Variants in CELA2B observed in about 807,000 individuals in gnomAD.
CELA2B encodes the protein chymotrypsin-like elastase family member 2B.
CELA2B carries 27 observed loss-of-function variants against 36.5 expected under a neutral mutation model. The ratio of observed to expected loss-of-function variants is 0.74; its 90% CI spans 0.55 to 1.02. The LOEUF is 1.02. Ranked by LOEUF, CELA2B falls within the 50% of genes least tolerant of loss-of-function variation. The probability of loss-of-function intolerance (pLI) is 0.00; values close to 1 mark genes in which losing one functional copy is unlikely to be tolerated. For missense variants in CELA2B, 340 were observed against 347.8 expected, an observed-to-expected ratio of 0.98 and a Z score of 0.18; for synonymous variants, 143 against 148.5, an observed-to-expected ratio of 0.96 and a Z score of 0.27.
chr1:15,486,198 T>C (rs2103314924), intron 6 of CELA2B, 152 bp downstream of exon 6: 1 of 1,047,986 alleles, frequency 9.5e-7, no homozygotes, highest in Non-Finnish European at 1.4e-6. Context: ...ACCTGACCTT[T>C]GGCCAGGCAT....
rs1423598426 is a variant in CELA2B, at chr1:15,487,352, G to GC, written c.709dup (p.Leu237ProfsTer33). ...CGGTGGGAGGTGCATGGCATCGGCA[G>GC]CCTCACGTCGGTCCTTGGTTGCAAC... On this transcript the variant is annotated frameshift_variant, in exon 7 of 8. Transcript: ENST00000375910. LOFTEE classifies it high-confidence loss of function. 2 of 1,614,126 alleles carry GC rather than the reference G, an allele frequency of 1.2e-6. No homozygotes were observed. Among genetic ancestry groups the GC allele is most frequent in the African/African-American group, 1.3e-5 (1 of 74,948 alleles).
rs754807126 is a variant in CELA2B at position 15,476,333 on chromosome 1, T to C, written c.41-124T>C. The stretch of plus-strand genomic sequence containing the variant: ...AAGAATTGGAGCAAACAGAAGGATT[T>C]TATGACCTCTTGGGATCCTTCTAGA... On this transcript the variant is annotated intron_variant, in intron 1 of 7. Coordinates refer to ENST00000375910, the MANE Select transcript of CELA2B (RefSeq NM_015849.3). The C allele has an allele frequency of 3.1e-5, 43 of 1,382,262 alleles. No individual in the cohort carries two copies. The East Asian group carries it at 8.3e-4, about 27-fold the overall frequency. 85.6% of individuals were successfully genotyped at this position (1,382,262 alleles called of 1,614,324 possible).
At chr1:15,476,381 T>A (rs1233789265) in intron 1 of CELA2B, 76 bp from the exon 2 acceptor site, 45 of 1,494,850 alleles carry the variant, frequency 3.0e-5, no homozygotes, top group Non-Finnish European at 4.2e-5. Context: ...TATTTGGGGG[T>A]TCAGAATGCA....
chr1:15,481,709 C>G (rs143647314), intron 3 of CELA2B: 1 of 470,136 alleles, frequency 2.1e-6, no homozygotes, highest in East Asian at 6.9e-5. Flanking sequence ...TGTCCGTGAC[C>G]TCTGCTCATC....
chr1:15,482,826 C>G (rs531085724), intron 4 of CELA2B, among the ~76,000 whole-genome samples: 11 of 152,236 alleles, frequency 7.2e-5, no homozygotes, highest in African/African-American at 2.6e-4. Flanking sequence ...CGCTCTGTCA[C>G]CCAGGCTGTA....
intron 6 of CELA2B, 118 bp downstream of exon 6, chr1:15,486,164 G>A (rs1234924234): frequency 2.5e-5 from 33 of 1,307,560 alleles, no homozygotes; most frequent in Non-Finnish European, 3.0e-5. Context: ...AGAAGCACCC[G>A]GAAATGGTAC....
At chr1:15,484,610 T>C (rs1708781780) in intron 5 of CELA2B, among the ~76,000 whole-genome samples, 1 of 152,114 alleles carries the variant, frequency 6.6e-6, no homozygotes, top group South Asian at 2.1e-4. Context: ...CTTATTAAGA[T>C]ACAAGCACAA....
intron 2 of CELA2B, among the ~76,000 whole-genome samples, 194 bp from the exon 3 acceptor site, chr1:15,480,904 T>TG (rs1034060492): frequency 6.6e-6 from 1 of 151,996 alleles, no homozygotes; most frequent in Non-Finnish European, 1.5e-5. Context: ...CCTGATTTTT[T>TG]TTTTTTTTAC....
In CELA2B at chr1:15,490,219, CATATCTATCTAT is replaced by C; in HGVS notation, c.793-1075_793-1064del. On this transcript the variant is annotated intron_variant, in intron 7 of 7. Transcript: ENST00000375910. The stretch of plus-strand genomic sequence containing the variant: ...TGTGTGGTCTTCTCAACTTTATGTG[CATATCTATCTAT>C]CTATCTATCTATCTATCTATCTATC... Among the ~76,000 whole-genome samples the C allele has an allele frequency of 6.8e-5, 8 of 117,628 alleles. 2 individuals carry two copies. In the South Asian group the frequency reaches 2.3e-3, roughly 34 times the overall value. The allele number at this position is 117,628 out of a possible 152,430, so 77.2% of individuals were successfully genotyped here.
At position 15,478,217 on chromosome 1, in the gene CELA2B, T is replaced by TATATATATATATATATATATATA. The variant is rs1491212485; in HGVS notation, c.129+1672_129+1673insATATATATATATATATATATATA. On this transcript the variant is annotated intron_variant, in intron 2 of 7. Transcript: ENST00000375910. ...AGGCTGAGGCATATATATATATATA[T>TATATATATATATATATATATATA]TGGGATATATAGTTTGTTTGTTTGT... 1.3e-3 allele frequency among the ~76,000 whole-genome samples: 61 copies of TATATATATATATATATATATATA among 48,488 alleles called. 2 individuals are homozygous for TATATATATATATATATATATATA. Among genetic ancestry groups the TATATATATATATATATATATATA allele is most frequent in the African/African-American group, 3.4e-3 (45 of 13,060 alleles). The allele number at this position is 48,488 out of a possible 152,430, so 31.8% of individuals were successfully genotyped here.
At chr1:15,491,143 T>C (rs1287969799) in intron 7 of CELA2B, 152 bp from the exon 8 acceptor site, 4 of 804,890 alleles carry the variant, frequency 5.0e-6, no homozygotes, top group Non-Finnish European at 8.5e-6. Flanking sequence ...CTCCGAAACA[T>C]CATCTGAACT....
rs753482309 is a variant in CELA2B at position 15,486,046 on chromosome 1, C to T, written c.639C>T (p.Asn213=). The T allele has an allele frequency of 1.2e-5, 19 of 1,611,128 alleles. No homozygotes were observed. The highest frequency in any genetic ancestry group is 1.1e-4 in the African/African-American group (8 of 74,840). ...GTGATGGCGTGATATGCACCTGCAA[C>T]GTGAGTACCAAAAATCAGGGGCCCC... The part of the protein sequence containing the change: ...AGGDGVICTC[N]GDSGGPLNCQ... The change falls in exon 6 of 8, where the codon AAC becomes AAT. Residue 213 remains asparagine, a splice_region_variant and synonymous_variant. Coordinates refer to ENST00000375910, the MANE Select transcript of CELA2B (RefSeq NM_015849.3).
At chr1:15,481,699 T>C in intron 3 of CELA2B, 2 of 470,604 alleles carry the variant, frequency 4.2e-6, no homozygotes, top group Non-Finnish European at 8.8e-6. Flanking sequence ...TCCTCTTCTT[T>C]GTCCGTGACC....
At chr1:15,489,195 C>T (rs1708841691) in intron 7 of CELA2B, among the ~76,000 whole-genome samples, 1 of 152,154 alleles carries the variant, frequency 6.6e-6, no homozygotes, top group Non-Finnish European at 1.5e-5. Flanking sequence ...GGACCTGAAG[C>T]AGGGGCAGGG....
At chr1:15,484,548 A>G (rs1232167770) in intron 5 of CELA2B, among the ~76,000 whole-genome samples, 1 of 152,222 alleles carries the variant, frequency 6.6e-6, no homozygotes, top group African/African-American at 2.4e-5. Context: ...ATCTGTAAAC[A>G]CAAGGACACA....
At chr1:15,478,399 A>G (rs947117789) in intron 2 of CELA2B, among the ~76,000 whole-genome samples, 10 of 151,598 alleles carry the variant, frequency 6.6e-5, no homozygotes, top group Non-Finnish European at 1.3e-4. Flanking sequence ...ACGCACCACC[A>G]TGCCCGGCTA....
chr1:15,476,509 A>C lies in CELA2B; in HGVS notation c.93A>C (p.Gly31=), dbSNP rs143905636. 4.5e-3 allele frequency: 7,232 copies of C among 1,613,948 alleles called. 27 individuals carry two copies. Among genetic ancestry groups the C allele is most frequent in the Non-Finnish European group, 5.4e-3 (6,427 of 1,180,000 alleles). ...TYAPDMSRML[G]GEEARPNSWP... The stretch of plus-strand genomic sequence containing the variant: ...CGCCTGATATGTCTAGGATGCTTGG[A>C]GGTGAAGAAGCGAGGCCCAACAGCT... The change falls in exon 2 of 8, where the codon GGA becomes GGC. Residue 31 remains glycine, a synonymous_variant. Transcript: ENST00000375910.
At position 15,491,012 on chromosome 1, in the gene CELA2B, C is replaced by A. The variant is rs114738079; in HGVS notation, c.793-283C>A. On this transcript the variant is annotated intron_variant, in intron 7 of 7. Coordinates refer to ENST00000375910, the MANE Select transcript of CELA2B (RefSeq NM_015849.3). ...AAAAATATGCCATCCGCACATTTGG[C>A]ATATAATTTTTAGGGGGTTCGAAGG... 3,869 of 445,310 alleles carry A rather than the reference C, an allele frequency of 8.7e-3. 36 individuals are homozygous for A. Among genetic ancestry groups the A allele is most frequent in the South Asian group, 0.029 (817 of 28,596 alleles). 27.6% of individuals were successfully genotyped at this position (445,310 alleles called of 1,614,324 possible). A position where few individuals can be genotyped will look rare whatever the true frequency, so the allele number is the denominator to read the frequency against.
chr1:15,487,299 G>T lies in CELA2B; in HGVS notation c.654G>T (p.Gly218=), dbSNP rs1382273840. 1 of 1,614,156 alleles carries T rather than the reference G, an allele frequency of 6.2e-7. No individual in the cohort carries two copies. The highest frequency in any genetic ancestry group is 8.5e-7 in the Non-Finnish European group (1 of 1,180,018). ...VICTCNGDSG[G]PLNCQASDGR... is the part of the protein sequence containing the mutation. The stretch of plus-strand genomic sequence containing the variant: ...GCCTTCCTCAGGGAGACTCCGGTGG[G>T]CCGCTGAACTGTCAGGCATCTGACG... The change falls in exon 7 of 8, where the codon GGG becomes GGT. Residue 218 remains glycine (G), a synonymous_variant. Coordinates refer to ENST00000375910, the MANE Select transcript of CELA2B (RefSeq NM_015849.3).
Sources: gnomAD v4.1 joint callset for allele counts (sites outside exome capture counted in the v4.1 genomes callset) on GRCh38, gnomAD v4.1.1 for gene constraint, MANE v1.5 for transcripts, NCBI Gene and HGNC (gene_info 2026-07-23, HGNC 2026-07-21) for gene names.